The following KIF21A variants were observed in gnomAD, a reference collection of about 807,000 sequenced individuals.
The protein encoded by KIF21A is kinesin-like protein KIF21A.
A neutral mutation model predicts 202.9 loss-of-function variants in KIF21A; 114 were observed. The ratio of observed to expected loss-of-function variants is 0.56; its 90% CI spans 0.48 to 0.66. KIF21A has a LOEUF of 0.66. Ranked by LOEUF, KIF21A falls within the 30% of genes least tolerant of loss-of-function variation. KIF21A has a pLI of 0.00. For synonymous variants in KIF21A, 667 were observed against 670.8 expected (o/e 0.99, Z 0.09); for missense variants, 1,677 against 1,994.9 (o/e 0.84, Z 3.04).
intron 1 of KIF21A, among the ~76,000 whole-genome samples, chr12:39,420,944 CA>C (rs200239679): frequency 9.5e-4 from 130 of 136,774 alleles, no homozygotes; most frequent in Middle Eastern, 7.4e-3. Context: ...CTTGATTTAA[CA>C]AAAAAAAAAA....
chr12:39,325,278 T>C (rs546333450), intron 26 of KIF21A, among the ~76,000 whole-genome samples: 43 of 152,132 alleles, frequency 2.8e-4, no homozygotes, highest in Non-Finnish European at 5.4e-4. Context: ...CATAATTGTG[T>C]TATCTAGTGG....
intron 1 of KIF21A, among the ~76,000 whole-genome samples, chr12:39,433,715 G>A (rs1391153673): frequency 6.6e-6 from 1 of 152,018 alleles, no homozygotes. Context: ...AGGCTTTGTG[G>A]AAAAAGAAAG....
chr12:39,420,500 CT>C (rs1226975860), intron 1 of KIF21A, among the ~76,000 whole-genome samples: 2 of 152,136 alleles, frequency 1.3e-5, no homozygotes, highest in East Asian at 3.9e-4. Flanking sequence ...AAAAAATCTG[CT>C]CTTCTTCCTC....
chr12:39,351,458 G>A (rs1303330599), intron 11 of KIF21A, among the ~76,000 whole-genome samples: 1 of 152,026 alleles, frequency 6.6e-6, no homozygotes, highest in Admixed American at 6.6e-5. Context: ...TAATGGTACA[G>A]CAAGCTTTGC....
intron 12 of KIF21A, among the ~76,000 whole-genome samples, chr12:39,343,420 AT>A (rs57092930): frequency 0.015 from 2,282 of 152,048 alleles, 46 homozygotes; most frequent in African/African-American, 0.051. Flanking sequence ...GAATACTCAA[AT>A]AATGCAATAT....
chr12:39,418,136 A>C (rs1953934296), intron 1 of KIF21A, among the ~76,000 whole-genome samples: 1 of 151,886 alleles, frequency 6.6e-6, no homozygotes, highest in Non-Finnish European at 1.5e-5. Context: ...TGAGCCTAAC[A>C]GGAGAGGAGA....
intron 10 of KIF21A, 57 bp from the exon 11 acceptor site, chr12:39,352,037 A>ATAACAT: frequency 8.1e-7 from 1 of 1,227,370 alleles, no homozygotes; most frequent in Non-Finnish European, 1.2e-6. Context: ...ATAAAAATAC[A>ATAACAT]TAACATAAAG....
chr12:39,325,335 T>TA (rs201807240), intron 26 of KIF21A, among the ~76,000 whole-genome samples: 14,601 of 144,268 alleles, frequency 0.1, 726 homozygotes, highest in East Asian at 0.14. Flanking sequence ...CAAGGAGAAT[T>TA]TTTTTTTTTT....
At chr12:39,437,524 C>A (rs1228200350) in intron 1 of KIF21A, among the ~76,000 whole-genome samples, 1 of 152,178 alleles carries the variant, frequency 6.6e-6, no homozygotes, top group African/African-American at 2.4e-5. Context: ...TAAGGAATAT[C>A]CTCCTAATGC....
At chr12:39,409,913 C>A (rs1255326769) in intron 1 of KIF21A, among the ~76,000 whole-genome samples, 2 of 151,708 alleles carry the variant, frequency 1.3e-5, no homozygotes, top group Non-Finnish European at 2.9e-5. Context: ...CTCACTGCAA[C>A]CTTCGCCTTC....
intron 1 of KIF21A, among the ~76,000 whole-genome samples, chr12:39,429,283 A>T (rs972720483): frequency 2.6e-5 from 4 of 152,222 alleles, no homozygotes; most frequent in Non-Finnish European, 5.9e-5. Context: ...AAAACATTTT[A>T]TTCAAACTGC....
chr12:39,390,736 A>G (rs1300884517), intron 1 of KIF21A, among the ~76,000 whole-genome samples: 2 of 152,222 alleles, frequency 1.3e-5, no homozygotes, highest in African/African-American at 4.8e-5. Flanking sequence ...GAGATGATTA[A>G]TAGCACTATT....
At chr12:39,378,512 A>G (rs187893897) in intron 1 of KIF21A, among the ~76,000 whole-genome samples, 1 of 152,328 alleles carries the variant, frequency 6.6e-6, no homozygotes, top group Admixed American at 6.5e-5. Flanking sequence ...TACTCCCACA[A>G]AACTGAGGGA....
At chr12:39,378,516 T>C (rs1950406197) in intron 1 of KIF21A, among the ~76,000 whole-genome samples, 1 of 152,128 alleles carries the variant, frequency 6.6e-6, no homozygotes, top group African/African-American at 2.4e-5. Flanking sequence ...CCCACAAAAC[T>C]GAGGGAGTGA....
At position 39,325,829 on chromosome 12, in the gene KIF21A, T is replaced by C. The variant is rs764021400; in HGVS notation, c.3456+10A>G. On this transcript the variant is annotated intron_variant, in intron 26 of 37. Transcript: ENST00000361418. Reference sequence around the variant, plus strand: ...AAACATGTTTACCTGATACTTTTAGTTCTCCTTACCTTGTTCTTAGGTTTC... The same window carrying C: ...AAACATGTTTACCTGATACTTTTAGCTCTCCTTACCTTGTTCTTAGGTTTC... The C allele has an allele frequency of 2.5e-6, 4 of 1,595,576 alleles. No homozygotes were observed. Among genetic ancestry groups the C allele is most frequent in the Admixed American group, 3.3e-5 (2 of 59,988 alleles).
intron 10 of KIF21A, among the ~76,000 whole-genome samples, chr12:39,354,554 AG>A (rs1948630292): frequency 6.6e-6 from 1 of 152,202 alleles, no homozygotes; most frequent in African/African-American, 2.4e-5. Context: ...TTATCTCACA[AG>A]TAATGTGACA....
In KIF21A at chr12:39,346,487, T is replaced by A; in HGVS notation, c.1691A>T (p.Glu564Val). The A allele has an allele frequency of 6.8e-7, 1 of 1,480,178 alleles. No homozygotes were observed. The highest frequency in any genetic ancestry group is 8.9e-7 in the Non-Finnish European group (1 of 1,118,534). 91.7% of individuals were successfully genotyped at this position (1,480,178 alleles called of 1,614,324 possible). ...CAACCTTCTTTCTTCTCGATTGCTT[T>A]CCTCAAGTTTCTGTAGCCTTCAAAA... is the stretch of plus-strand genomic sequence containing the variant. Reference protein sequence around the residue: ...RKKKRLQKLEESNREERSVAG... With the variant: ...RKKKRLQKLEVSNREERSVAG... The change falls in exon 12 of 38, where the codon GAA becomes GTA. Residue 564 changes from glutamate (E) to valine (V), a missense_variant. This residue lies in a region of KIF21A where 966 missense variants were observed against 1,180.9 expected (regional missense o/e 0.82). Transcript: ENST00000361418.
At chr12:39,426,601 G>A (rs528713239) in intron 1 of KIF21A, among the ~76,000 whole-genome samples, 5 of 152,048 alleles carry the variant, frequency 3.3e-5, no homozygotes, top group African/African-American at 7.2e-5. Context: ...GGCCGGGCAC[G>A]GTGGCTCACG....
At position 39,358,129 on chromosome 12, in the gene KIF21A, G is replaced by A. The variant is rs774034882; in HGVS notation, c.1215+49C>T. ...TAAGGCATTATTGTGTTCAGAAAGT[G>A]CCAGCCTTAGATGTATCACAAAATG... On this transcript the variant is annotated intron_variant, in intron 8 of 37. Coordinates refer to ENST00000361418, the MANE Select transcript of KIF21A (RefSeq NM_001173464.2). The A allele has an allele frequency of 6.0e-6, 9 of 1,491,050 alleles. No homozygotes were observed. The East Asian group carries it at 1.8e-4, about 30-fold the overall frequency. 92.4% of individuals were successfully genotyped at this position (1,491,050 alleles called of 1,614,324 possible).
Sources: gnomAD v4.1 joint callset for allele counts (sites outside exome capture counted in the v4.1 genomes callset) on GRCh38, gnomAD v4.1.1 for gene constraint, gnomAD v4.1.1 regional missense constraint, MANE v1.5 for transcripts, NCBI Gene and HGNC (gene_info 2026-07-23, HGNC 2026-07-21) for gene names.